Variants in FLOT2 observed in about 807,000 individuals in gnomAD.
The protein encoded by FLOT2 is flotillin 2.
Under a neutral mutation model 54.9 loss-of-function variants are expected in FLOT2, and 35 were observed. That is an observed-to-expected ratio of 0.64 (90% CI 0.49 to 0.84). The LOEUF is 0.84. Among genes scored for constraint, FLOT2 ranks in the 40% least tolerant of loss-of-function variants. The pLI is 0.00. For missense variants in FLOT2, 464 were observed against 572.1 expected (o/e 0.81, Z 1.93); for synonymous variants, 207 against 228.9 (o/e 0.90, Z 0.86).
In FLOT2 at chr17:28,882,763, T is replaced by C. The variant is rs745758673; in HGVS notation, c.347-72A>G. On this transcript the variant is annotated intron_variant, in intron 4 of 10. Transcript: ENST00000394908. The surrounding 1 kb of genome is among the most constrained non-coding windows in gnomAD (Gnocchi z 5.6). Reference sequence around the variant, plus strand: ...CTGGGGAAGGGAGGAGGCATGCATGTAGAGGTAGGGGTGCATGCGGGGTGC... The same window carrying C: ...CTGGGGAAGGGAGGAGGCATGCATGCAGAGGTAGGGGTGCATGCGGGGTGC... The C allele has an allele frequency of 1.3e-5, 13 of 1,012,822 alleles. No individual in the cohort carries two copies. Among genetic ancestry groups the C allele is most frequent in the Non-Finnish European group, 2.0e-5 (13 of 644,456 alleles). The allele number at this position is 1,012,822 out of a possible 1,614,324, so 62.7% of individuals were successfully genotyped here.
rs747505161 is a variant in FLOT2 at position 28,884,273 on chromosome 17, G to T, written c.174C>A (p.Asp58Glu). The change falls in exon 3 of 11, where the codon GAC becomes GAA. Residue 58 changes from aspartate (D) to glutamate (E), a missense_variant. Physicochemically the swap from Asp to Glu is conservative, Grantham distance 45. Transcript: ENST00000394908. This position sits in a 1 kb window ranked among gnomAD's most constrained non-coding sequence, Gnocchi z 5.1. ...EIMTLQPRCE[D>E]VETAEGVALT... ...AAGCTACCCCCTCGGCCGTCTCTACGTCCTCGCAGCGGGGCTGCAACGTCA... is the reference window on the plus strand; with the variant it reads ...AAGCTACCCCCTCGGCCGTCTCTACTTCCTCGCAGCGGGGCTGCAACGTCA... 1.2e-6 allele frequency: 2 copies of T among 1,613,400 alleles called. No individual in the cohort carries two copies. The highest frequency in any genetic ancestry group is 1.7e-6 in the Non-Finnish European group (2 of 1,179,708).
intron 1 of FLOT2, among the ~76,000 whole-genome samples, chr17:28,896,296 G>C (rs549496878): frequency 1.3e-5 from 2 of 152,298 alleles, no homozygotes; most frequent in East Asian, 3.9e-4. Flanking sequence ...CAGAGTCTGG[G>C]CTTCCTGAAG....
At chr17:28,893,709 T>C (rs556013473) in intron 1 of FLOT2, among the ~76,000 whole-genome samples, 1 of 152,380 alleles carries the variant, frequency 6.6e-6, no homozygotes, top group African/African-American at 2.4e-5. Context: ...AAACCAGGCC[T>C]GGGCCTGCCT....
intron 1 of FLOT2, 102 bp from the exon 2 acceptor site, chr17:28,889,128 G>C: frequency 1.1e-6 from 1 of 892,732 alleles, no homozygotes; most frequent in Non-Finnish European, 1.8e-6. Context: ...TCTGATACTT[G>C]ACAACGCCTA....
At position 28,882,752 on chromosome 17, in the gene FLOT2, A is replaced by G. The variant is rs913639275; in HGVS notation, c.347-61T>C. The G allele has an allele frequency of 1.3e-5, 15 of 1,134,698 alleles. No homozygotes were observed. In the African/African-American group the frequency reaches 2.1e-4, roughly 16 times the overall value. 70.3% of individuals were successfully genotyped at this position (1,134,698 alleles called of 1,614,324 possible). A position where few individuals can be genotyped will look rare whatever the true frequency, so the allele number is the denominator to read the frequency against. ...GACCCAGCCAGCTGGGGAAGGGAGGAGGCATGCATGTAGAGGTAGGGGTGC... is the reference window on the plus strand; with the variant it reads ...GACCCAGCCAGCTGGGGAAGGGAGGGGGCATGCATGTAGAGGTAGGGGTGC... On this transcript the variant is annotated intron_variant, in intron 4 of 10. Coordinates refer to ENST00000394908, the MANE Select transcript of FLOT2 (RefSeq NM_004475.3). This position sits in a 1 kb window ranked among gnomAD's most constrained non-coding sequence, Gnocchi z 5.6.
chr17:28,879,944 A>AG lies in FLOT2; in HGVS notation c.*616dup. The stretch of plus-strand genomic sequence containing the variant: ...GCCCTTGGGGTCAGGGAGAAAGGAC[A>AG]GGGTATGAGCGCTGGCTGGGGCCTT... On this transcript the variant is annotated 3_prime_UTR_variant, in exon 11 of 11. Transcript: ENST00000394908. The AG allele has an allele frequency of 1.0e-6, 1 of 986,464 alleles. No homozygotes were observed. The highest frequency in any genetic ancestry group is 1.2e-6 in the Non-Finnish European group (1 of 830,528). 61.1% of individuals were successfully genotyped at this position (986,464 alleles called of 1,614,324 possible).
chr17:28,895,343 A>G (rs2039724131), intron 1 of FLOT2, among the ~76,000 whole-genome samples: 1 of 152,220 alleles, frequency 6.6e-6, no homozygotes, highest in Non-Finnish European at 1.5e-5. Flanking sequence ...TGGTAAATCT[A>G]ATTATTAGCT....
chr17:28,888,889 A>G lies in FLOT2; in HGVS notation c.131+56T>C. On this transcript the variant is annotated intron_variant, in intron 2 of 10. Transcript: ENST00000394908. ...CAGAGTGAAGCAGAACAATGCTGGA[A>G]GCCCCTCTCTCCCTGGCCCACTCCA... The G allele has an allele frequency of 6.6e-6, 9 of 1,368,984 alleles. No individual in the cohort carries two copies. The East Asian group carries it at 1.4e-4, about 22-fold the overall frequency. 84.8% of individuals were successfully genotyped at this position (1,368,984 alleles called of 1,614,324 possible).
At chr17:28,886,067 G>GGA in intron 2 of FLOT2, 1 of 579,700 alleles carries the variant, frequency 1.7e-6, no homozygotes, top group South Asian at 1.6e-5. Flanking sequence ...GCGGGGGGGG[G>GGA]CATGCTGTCA....
intron 2 of FLOT2, chr17:28,886,067 G>GA: frequency 1.7e-6 from 1 of 579,696 alleles, no homozygotes. Flanking sequence ...GCGGGGGGGG[G>GA]CATGCTGTCA....
chr17:28,888,771 C>A (rs2039592672), intron 2 of FLOT2, among the ~76,000 whole-genome samples, 174 bp downstream of exon 2: 1 of 152,152 alleles, frequency 6.6e-6, no homozygotes. Context: ...CCCTGTGCAA[C>A]CCATCTTACA....
chr17:28,888,862 C>T, intron 2 of FLOT2, 83 bp downstream of exon 2: 1 of 1,103,032 alleles, frequency 9.1e-7, no homozygotes, highest in Non-Finnish European at 1.4e-6. Flanking sequence ...CTAGCTGACC[C>T]TCAGAGTGAA....
Position 28,879,852 on chromosome 17 carries a change from A to C in FLOT2, c.*709T>G. ...CCATGAAGAGGCCTTCCCTGAGCAC[A>C]AGCAGGGGCCTCCTAAGGCAGTAGG... On this transcript the variant is annotated 3_prime_UTR_variant, in exon 11 of 11. Transcript: ENST00000394908. 2 of 986,020 alleles carry C rather than the reference A, an allele frequency of 2.0e-6. No homozygotes were observed. Among genetic ancestry groups the C allele is most frequent in the Non-Finnish European group, 2.4e-6 (2 of 830,092 alleles). 61.1% of individuals were successfully genotyped at this position (986,020 alleles called of 1,614,324 possible).
chr17:28,879,863 T>C lies in FLOT2; in HGVS notation c.*698A>G. 1 of 985,948 alleles carries C rather than the reference T, an allele frequency of 1.0e-6. No homozygotes were observed. The highest frequency in any genetic ancestry group is 1.1e-4 in the East Asian group (1 of 8,816). 61.1% of individuals were successfully genotyped at this position (985,948 alleles called of 1,614,324 possible). A position where few individuals can be genotyped will look rare whatever the true frequency, so the allele number is the denominator to read the frequency against. On this transcript the variant is annotated 3_prime_UTR_variant, in exon 11 of 11. Coordinates refer to ENST00000394908, the MANE Select transcript of FLOT2 (RefSeq NM_004475.3). ...CCTTCCCTGAGCACAAGCAGGGGCC[T>C]CCTAAGGCAGTAGGAAACTGAGGAA...
intron 9 of FLOT2, 105 bp downstream of exon 9, chr17:28,881,087 A>G: frequency 8.7e-7 from 1 of 1,148,746 alleles, no homozygotes. Flanking sequence ...CCTTCTAGCC[A>G]TCTGTCCCTG....
intron 1 of FLOT2, among the ~76,000 whole-genome samples, chr17:28,890,178 C>T (rs918402007): frequency 5.3e-5 from 8 of 152,120 alleles, no homozygotes; most frequent in Admixed American, 1.3e-4. Flanking sequence ...CTCATGGGAA[C>T]GGGTGGGGAA....
rs760426450 is a variant in FLOT2 at position 28,880,749 on chromosome 17, G to C, written c.1212C>G (p.Ala404=). 5.1e-5 allele frequency: 83 copies of C among 1,614,136 alleles called. No individual in the cohort carries two copies. The highest frequency in any genetic ancestry group is 6.9e-5 in the Non-Finnish European group (82 of 1,180,062). The change falls in exon 10 of 11, where the codon GCC becomes GCG. Residue 404 remains alanine, a synonymous_variant. Transcript: ENST00000394908. ...EVNRLLAELP[A]SVHALTGVDL... is the part of the protein sequence containing the mutation. ...CCACGCCTGTGAGGGCATGCACAGA[G>C]GCAGGCAGCTCGGCCAGCAGTCGGT...
At chr17:28,887,300 TC>T (rs1019398255) in intron 2 of FLOT2, among the ~76,000 whole-genome samples, 13 of 152,064 alleles carry the variant, frequency 8.5e-5, no homozygotes, top group African/African-American at 3.1e-4. Context: ...CCCGAGAGGC[TC>T]CTGCCAGCCT....
intron 1 of FLOT2, among the ~76,000 whole-genome samples, chr17:28,896,479 G>C (rs2039742702): frequency 6.6e-6 from 1 of 152,168 alleles, no homozygotes; most frequent in African/African-American, 2.4e-5. Flanking sequence ...CAGGGGGGTA[G>C]GGTACTTATC....
Sources: allele counts gnomAD v4.1 joint callset (sites outside exome capture counted in the v4.1 genomes callset), GRCh38; gene constraint gnomAD v4.1.1; non-coding constraint Gnocchi (gnomAD v3.1); transcripts MANE v1.5; gene names NCBI Gene and HGNC (gene_info 2026-07-23, HGNC 2026-07-21).